SOX5: variants seen among roughly 807,000 people sequenced by gnomAD.
SOX5 encodes the protein SRY-box transcription factor 5, also known as transcription factor SOX-5.
Under a neutral mutation model 92.0 loss-of-function variants are expected in SOX5, and 9 were observed. The ratio of observed to expected loss-of-function variants is 0.10; its 90% CI spans 0.06 to 0.17. The LOEUF is 0.17. Among genes scored for constraint, SOX5 ranks in the 10% least tolerant of loss-of-function variants. The pLI is 1.00. For missense variants in SOX5, 642 were observed against 944.5 expected (o/e 0.68, Z 4.20); for synonymous variants, 344 against 336.3 (o/e 1.02, Z -0.25).
intron 4 of SOX5, among the ~76,000 whole-genome samples, chr12:24,066,129 C>T (rs1048100055): frequency 1.3e-5 from 2 of 152,022 alleles, no homozygotes; most frequent in Non-Finnish European, 2.9e-5. Flanking sequence ...ATTAAAATGG[C>T]TATAATTCTG....
chr12:24,505,860 T>TGTGTGTGTGTGCGCGCGC (rs1480371992), intron 1 of SOX5, among the ~76,000 whole-genome samples: 11 of 123,948 alleles, frequency 8.9e-5, no homozygotes, highest in East Asian at 6.4e-4. Flanking sequence ...TGTGCGTGTG[T>TGTGTGTGTGTGCGCGCGC]GTGTGTGTGT....
chr12:24,115,361 A>C (rs1210453275), intron 4 of SOX5, among the ~76,000 whole-genome samples: 2 of 152,220 alleles, frequency 1.3e-5, no homozygotes, highest in Non-Finnish European at 2.9e-5. Flanking sequence ...AAATTATAGA[A>C]ATCAGTGTTC....
At chr12:23,738,597 C>T (rs2093687225) in intron 5 of SOX5, 1 of 152,102 alleles carries the variant, frequency 6.6e-6, no homozygotes, top group South Asian at 2.1e-4. Context: ...TCAAAGGATT[C>T]TAGAATCCTT....
At chr12:24,443,950 A>G (rs544094255) in intron 1 of SOX5, among the ~76,000 whole-genome samples, 23 of 152,204 alleles carry the variant, frequency 1.5e-4, no homozygotes, top group Non-Finnish European at 2.6e-4. Context: ...AAATGTTAAC[A>G]TGCCAAAGTT....
intron 4 of SOX5, among the ~76,000 whole-genome samples, chr12:23,963,979 C>G (rs1204950579): frequency 1.3e-5 from 2 of 151,716 alleles, no homozygotes; most frequent in Non-Finnish European, 2.9e-5. Context: ...CCAAACTAAA[C>G]CAACCAACCA....
At chr12:23,558,406 G>C (rs1363997026) in intron 11 of SOX5, among the ~76,000 whole-genome samples, 1 of 152,144 alleles carries the variant, frequency 6.6e-6, no homozygotes, top group African/African-American at 2.4e-5. Flanking sequence ...ACTGAAGTTA[G>C]CAAAGAGAAA....
chr12:23,635,110 C>T lies in SOX5; in HGVS notation c.1017+5702G>A, dbSNP rs143497442. On this transcript the variant is annotated intron_variant, in intron 8 of 14. Coordinates refer to ENST00000451604, the MANE Select transcript of SOX5 (RefSeq NM_006940.6). ...AAATACAGCATGCTCTCAGAACACG[C>T]GGGAACTACTTTAAGCCAGACTTAA... Among the ~76,000 whole-genome samples the T allele has an allele frequency of 1.2e-4, 19 of 152,220 alleles. No individual in the cohort carries two copies. In the South Asian group the frequency reaches 2.1e-3, roughly 17 times the overall value.
At chr12:23,966,255 A>T (rs2140083104) in intron 4 of SOX5, among the ~76,000 whole-genome samples, 1 of 141,636 alleles carries the variant, frequency 7.1e-6, no homozygotes, top group Non-Finnish European at 1.5e-5. Flanking sequence ...GTTTGGGTAA[A>T]GGGCCTGTAC....
chr12:23,802,809 T>G (rs912628011), intron 3 of SOX5, among the ~76,000 whole-genome samples: 7 of 152,152 alleles, frequency 4.6e-5, no homozygotes, highest in Non-Finnish European at 8.8e-5. Context: ...ACTCTGCAAC[T>G]CACATAATTT....
At chr12:23,641,329 T>C (rs1367777933) in intron 7 of SOX5, among the ~76,000 whole-genome samples, 2 of 152,320 alleles carry the variant, frequency 1.3e-5, no homozygotes, top group African/African-American at 4.8e-5. Context: ...CAAAGTAGCT[T>C]ATCTTTGAAA....
chr12:23,850,575 A>G (rs1253271441), intron 2 of SOX5, among the ~76,000 whole-genome samples: 10 of 152,026 alleles, frequency 6.6e-5, no homozygotes, highest in African/African-American at 2.2e-4. Flanking sequence ...GAGGAAAAAA[A>G]TATACCTTAT....
chr12:23,810,906 CTT>C (rs961929904), intron 3 of SOX5, among the ~76,000 whole-genome samples: 2 of 151,928 alleles, frequency 1.3e-5, no homozygotes, highest in Non-Finnish European at 2.9e-5. Context: ...AGAAGAGCTG[CTT>C]TTTTTTCCCC....
intron 1 of SOX5, among the ~76,000 whole-genome samples, chr12:24,422,664 A>G (rs1168219316): frequency 6.6e-6 from 1 of 152,232 alleles, no homozygotes; most frequent in Non-Finnish European, 1.5e-5. Flanking sequence ...ACCTACATAT[A>G]TTGATTGCTT....
chr12:23,575,165 T>C (rs569723789), intron 10 of SOX5, among the ~76,000 whole-genome samples: 2 of 152,328 alleles, frequency 1.3e-5, no homozygotes, highest in East Asian at 1.9e-4. Context: ...TTATATAGAA[T>C]TGAAGCTATC....
intron 4 of SOX5, among the ~76,000 whole-genome samples, chr12:24,128,554 G>C (rs929714015): frequency 6.6e-6 from 1 of 152,224 alleles, no homozygotes; most frequent in African/African-American, 2.4e-5. Flanking sequence ...AGGATGAAAA[G>C]CCAGACGTGG....
chr12:24,385,926 C>CAAAAAA (rs35813329), intron 1 of SOX5, among the ~76,000 whole-genome samples: 13 of 73,354 alleles, frequency 1.8e-4, no homozygotes, highest in African/African-American at 3.6e-4. Context: ...GACCTTGTCA[C>CAAAAAA]AAAAAAAAAA....
At chr12:23,850,856 C>T (rs148371090) in intron 2 of SOX5, among the ~76,000 whole-genome samples, 45 of 152,282 alleles carry the variant, frequency 3.0e-4, no homozygotes, top group Admixed American at 1.5e-3. Flanking sequence ...CAGACACACA[C>T]TCATACAATT....
At chr12:23,621,011 A>G (rs1025943768) in intron 8 of SOX5, among the ~76,000 whole-genome samples, 8 of 152,126 alleles carry the variant, frequency 5.3e-5, no homozygotes, top group African/African-American at 7.2e-5. Flanking sequence ...TATTTGTCAC[A>G]TAGTTGTTTA....
At chr12:23,808,961 C>T (rs1021153662) in intron 3 of SOX5, among the ~76,000 whole-genome samples, 1 of 152,022 alleles carries the variant, frequency 6.6e-6, no homozygotes, top group African/African-American at 2.4e-5. Flanking sequence ...AATCCTCAGA[C>T]ACAAAATAAG....
Sources: allele counts gnomAD v4.1 joint callset (sites outside exome capture counted in the v4.1 genomes callset), GRCh38; gene constraint gnomAD v4.1.1; transcripts MANE v1.5; gene names NCBI Gene and HGNC (gene_info 2026-07-23, HGNC 2026-07-21).